MARCHF1: variants seen among roughly 807,000 people sequenced by gnomAD.
MARCHF1 encodes E3 ubiquitin-protein ligase MARCHF1.
A neutral mutation model predicts 54.2 loss-of-function variants in MARCHF1; 40 were observed. The ratio of observed to expected loss-of-function variants is 0.74; its 90% CI spans 0.57 to 0.96. The LOEUF (loss-of-function observed/expected upper bound fraction) is 0.96, where lower values mean the gene tolerates loss of function less well. MARCHF1 is among the 40% of genes least tolerant of loss of function. The probability of loss-of-function intolerance (pLI) is 0.00; values close to 1 mark genes in which losing one functional copy is unlikely to be tolerated. For missense variants in MARCHF1, 586 were observed against 656.5 expected, an observed-to-expected ratio of 0.89 and a Z score of 1.17; for synonymous variants, 236 against 236.3, an observed-to-expected ratio of 1.00 and a Z score of 0.01.
intron 3 of MARCHF1, among the ~76,000 whole-genome samples, chr4:163,920,204 A>G (rs1203392193): frequency 1.3e-5 from 2 of 152,184 alleles, no homozygotes; most frequent in Non-Finnish European, 2.9e-5. Context: ...AAATGATCTG[A>G]GGTCAAGCTC....
intron 4 of MARCHF1, among the ~76,000 whole-genome samples, chr4:163,799,732 A>C (rs1219531731): frequency 1.3e-5 from 2 of 152,088 alleles, no homozygotes; most frequent in African/African-American, 2.4e-5. Context: ...CAGTAATAGG[A>C]TTTCTCAGTT....
intron 1 of MARCHF1, among the ~76,000 whole-genome samples, chr4:164,138,637 G>A (rs535276614): frequency 8.5e-5 from 13 of 152,312 alleles, no homozygotes; most frequent in African/African-American, 2.9e-4. Flanking sequence ...GAGTGTTAGT[G>A]CCAGCAGAAG....
At chr4:163,981,019 G>A (rs1237990543) in intron 3 of MARCHF1, among the ~76,000 whole-genome samples, 3 of 152,164 alleles carry the variant, frequency 2.0e-5, no homozygotes, top group African/African-American at 7.2e-5. Context: ...AATTACTATA[G>A]AATCTGACCA....
At chr4:163,846,347 A>G (rs1749484395) in intron 4 of MARCHF1, among the ~76,000 whole-genome samples, 3 of 152,024 alleles carry the variant, frequency 2.0e-5, no homozygotes. Flanking sequence ...AATATACTCA[A>G]CCTCCTCTTT....
chr4:163,979,021 T>C (rs1752705414), intron 3 of MARCHF1, among the ~76,000 whole-genome samples: 1 of 10,308 alleles, frequency 9.7e-5, no homozygotes, highest in African/African-American at 1.1e-4. Context: ...CTTTAATTCT[T>C]TTTTTTTTTT....
At chr4:164,188,383 G>T (rs1731032598) in intron 1 of MARCHF1, 6 of 499,798 alleles carry the variant, frequency 1.2e-5, no homozygotes. Context: ...TGGCTGGCAA[G>T]ATGAAGCTCT....
At chr4:163,613,484 A>G (rs138718984) in intron 5 of MARCHF1, 91 bp from the exon 6 acceptor site, 4 of 1,612,134 alleles carry the variant, frequency 2.5e-6, no homozygotes, top group East Asian at 2.2e-5. Flanking sequence ...AAAAATTACA[A>G]CAAACGTGGC....
At chr4:164,093,261 G>T (rs1387340163) in intron 2 of MARCHF1, among the ~76,000 whole-genome samples, 1 of 152,084 alleles carries the variant, frequency 6.6e-6, no homozygotes, top group Non-Finnish European at 1.5e-5. Flanking sequence ...AAACACAGGA[G>T]GAATTACCAT....
At chr4:163,695,008 T>C (rs1744575286) in intron 5 of MARCHF1, among the ~76,000 whole-genome samples, 1 of 152,140 alleles carries the variant, frequency 6.6e-6, no homozygotes, top group Non-Finnish European at 1.5e-5. Flanking sequence ...ATATCCTACT[T>C]TACTTCATCA....
At chr4:164,364,423 G>A (rs1254594334) in intron 1 of MARCHF1, among the ~76,000 whole-genome samples, 2 of 151,994 alleles carry the variant, frequency 1.3e-5, no homozygotes, top group Non-Finnish European at 2.9e-5. Context: ...GTAAGCATCT[G>A]AACCAAAATA....
chr4:163,773,794 T>C (rs1285032786), intron 4 of MARCHF1, among the ~76,000 whole-genome samples: 1 of 152,200 alleles, frequency 6.6e-6, no homozygotes, highest in African/African-American at 2.4e-5. Flanking sequence ...AATAAAAGCC[T>C]ATAATCTGAT....
chr4:163,532,752 CAG>C (rs1424490397), intron 9 of MARCHF1, among the ~76,000 whole-genome samples: 1 of 151,798 alleles, frequency 6.6e-6, no homozygotes, highest in African/African-American at 2.4e-5. Context: ...TGAAGATAAA[CAG>C]ATGGTAAGAT....
chr4:163,756,106 T>C (rs1746657821), intron 4 of MARCHF1, among the ~76,000 whole-genome samples: 2 of 152,222 alleles, frequency 1.3e-5, no homozygotes, highest in Admixed American at 1.3e-4. Context: ...ACTCAAATAC[T>C]ACTTAACAGA....
At chr4:163,797,984 C>T (rs1381050035) in intron 4 of MARCHF1, among the ~76,000 whole-genome samples, 1 of 152,118 alleles carries the variant, frequency 6.6e-6, no homozygotes, top group Non-Finnish European at 1.5e-5. Flanking sequence ...TTTTTAAAGG[C>T]CATTGTTAAA....
intron 1 of MARCHF1, among the ~76,000 whole-genome samples, chr4:164,176,974 C>CTATA (rs1382575137): frequency 4.0e-4 from 12 of 29,956 alleles, no homozygotes; most frequent in African/African-American, 8.9e-4. Flanking sequence ...CTCTCTCTCT[C>CTATA]TCTCTCTATA....
intron 3 of MARCHF1, among the ~76,000 whole-genome samples, chr4:163,934,240 CA>C (rs1579403960): frequency 1.3e-5 from 2 of 151,944 alleles, no homozygotes; most frequent in African/African-American, 4.8e-5. Context: ...AGCAGAGCAA[CA>C]TAAAATACAA....
At chr4:164,028,501 T>C (rs1424074968) in intron 2 of MARCHF1, among the ~76,000 whole-genome samples, 1 of 152,184 alleles carries the variant, frequency 6.6e-6, no homozygotes, top group East Asian at 1.9e-4. Flanking sequence ...TGTTCTCATT[T>C]ATAAATGATA....
At chr4:163,912,195 A>G (rs1376157017) in intron 3 of MARCHF1, among the ~76,000 whole-genome samples, 1 of 152,066 alleles carries the variant, frequency 6.6e-6, no homozygotes, top group Non-Finnish European at 1.5e-5. Context: ...AGTCGTTGTC[A>G]GAATTTAGAT....
chr4:163,727,316 T>G (rs1252498796), intron 4 of MARCHF1, among the ~76,000 whole-genome samples: 1 of 51,028 alleles, frequency 2.0e-5, no homozygotes, highest in Non-Finnish European at 5.0e-5. Flanking sequence ...TTTTTTTTCT[T>G]TTTTTTTTTT....
Sources: gnomAD v4.1 joint callset for allele counts (sites outside exome capture counted in the v4.1 genomes callset) on GRCh38, gnomAD v4.1.1 for gene constraint, MANE v1.5 for transcripts, NCBI Gene and HGNC (gene_info 2026-07-23, HGNC 2026-07-21) for gene names.